Variants in PLEKHA2 observed in about 807,000 individuals in gnomAD.
The protein encoded by PLEKHA2 is pleckstrin homology domain-containing family A member 2.
Under a neutral mutation model 53.2 loss-of-function variants are expected in PLEKHA2, and 28 were observed. The ratio of observed to expected loss-of-function variants is 0.53; its 90% CI spans 0.39 to 0.72. The LOEUF (loss-of-function observed/expected upper bound fraction) is 0.72, where lower values mean the gene tolerates loss of function less well. PLEKHA2 is among the 30% of genes least tolerant of loss of function. The pLI is 0.00. For missense variants in PLEKHA2, 426 were observed against 537.9 expected (o/e 0.79, Z 2.06); for synonymous variants, 193 against 196.4 (o/e 0.98, Z 0.14).
rs150722357 is a variant in PLEKHA2 at position 38,969,941 on chromosome 8, CTGTGTGTGTGTGTGTG to C, written c.*180_*195del. The C allele has an allele frequency of 5.7e-6, 4 of 696,658 alleles. No homozygotes were observed. The highest frequency in any genetic ancestry group is 9.1e-6 in the Non-Finnish European group (4 of 440,210). The allele number at this position is 696,658 out of a possible 1,614,324, so 43.2% of individuals were successfully genotyped here. A position where few individuals can be genotyped will look rare whatever the true frequency, so the allele number is the denominator to read the frequency against. Reference sequence around the variant, plus strand: ...GGAGGGAGGGGCCCATCCAGCTGGGCTGTGTGTGTGTGTGTGTGTGTGTGTGTGTGTGTGTGTAATA... The same window carrying C: ...GGAGGGAGGGGCCCATCCAGCTGGGCTGTGTGTGTGTGTGTGTGTGTAATA... On this transcript the variant is annotated 3_prime_UTR_variant, in exon 12 of 12. Coordinates refer to ENST00000617275, the MANE Select transcript of PLEKHA2 (RefSeq NM_021623.2).
chr8:38,950,769 C>A, intron 5 of PLEKHA2, 81 bp from the exon 6 acceptor site: 1 of 1,518,922 alleles, frequency 6.6e-7, no homozygotes, highest in South Asian at 1.3e-5. Flanking sequence ...GCTTTTCTCA[C>A]GGCAGCCCCA....
In PLEKHA2 at chr8:38,969,691, C is replaced by T. The variant is rs1427807788; in HGVS notation, c.1186C>T (p.Arg396Trp). ...GSAPGVLPSSRIRHRSEPQHP... is the reference protein window; with the variant it reads ...GSAPGVLPSSWIRHRSEPQHP... ...CGCTCCTGGGGTGCTGCCCAGCTCC[C>T]GGATAAGGCACAGATCGGAGCCCCA... Residue 396 changes from arginine to tryptophan, a missense_variant, in exon 12 of 12, where the codon CGG (arginine) becomes TGG (tryptophan). Coordinates refer to ENST00000617275, the MANE Select transcript of PLEKHA2 (RefSeq NM_021623.2). 10 of 1,574,874 alleles carry T rather than the reference C, an allele frequency of 6.3e-6. No individual in the cohort carries two copies. Among genetic ancestry groups the T allele is most frequent in the East Asian group, 2.3e-5 (1 of 42,598 alleles).
chr8:38,946,003 G>C (rs573764589), intron 4 of PLEKHA2, 121 bp from the exon 5 acceptor site: 1 of 737,990 alleles, frequency 1.4e-6, no homozygotes, highest in African/African-American at 1.8e-5. Flanking sequence ...GAGATTTCTT[G>C]TTCTGCTTTG....
At chr8:38,911,154 C>T (rs1833947725) in intron 1 of PLEKHA2, among the ~76,000 whole-genome samples, 1 of 152,094 alleles carries the variant, frequency 6.6e-6, no homozygotes, top group Non-Finnish European at 1.5e-5. Flanking sequence ...AAGCTACTTG[C>T]CAGATAGTTT....
chr8:38,968,682 C>T lies in PLEKHA2; in HGVS notation c.915+13C>T. 1.2e-6 allele frequency: 2 copies of T among 1,613,568 alleles called. No individual in the cohort carries two copies. Among genetic ancestry groups the T allele is most frequent in the Non-Finnish European group, 1.7e-6 (2 of 1,179,548 alleles). ...GTGCCACCCCAGAGTAAGTCACTTCCTTTCTGTTGCACAGTGTCAACTCAG... is the reference window on the plus strand; with the variant it reads ...GTGCCACCCCAGAGTAAGTCACTTCTTTTCTGTTGCACAGTGTCAACTCAG... On this transcript the variant is annotated intron_variant, in intron 11 of 11. Transcript: ENST00000617275.
chr8:38,910,828 A>G (rs1401042157), intron 1 of PLEKHA2, among the ~76,000 whole-genome samples: 1 of 152,248 alleles, frequency 6.6e-6, no homozygotes, highest in East Asian at 1.9e-4. Context: ...AAACCAGTCC[A>G]TTAATGTTAT....
rs569997545 is a variant in PLEKHA2, at chr8:38,917,945, C to A, written c.16C>A (p.Arg6=). The A allele has an allele frequency of 1.2e-6, 2 of 1,613,578 alleles. No individual in the cohort carries two copies. Among genetic ancestry groups the A allele is most frequent in the Admixed American group, 1.7e-5 (1 of 59,986 alleles). The part of the protein sequence containing the change: MPYVD[R]QNRICGFLDI... ...GAGCCCAGGAATGCCTTATGTGGAT[C>A]GGCAGAACCGAATCTGTGGGTTTCT... Residue 6 remains arginine, a synonymous_variant, in exon 2 of 12, where the codon CGG becomes AGG. Coordinates refer to ENST00000617275, the MANE Select transcript of PLEKHA2 (RefSeq NM_021623.2).
At chr8:38,964,852 CTTTTTTTTTTTTTTTTTT>C (rs56714628) in intron 10 of PLEKHA2, among the ~76,000 whole-genome samples, 19 of 54,968 alleles carry the variant, frequency 3.5e-4, no homozygotes, top group African/African-American at 1.2e-3. Context: ...TGTTACTTCC[CTTTTTTTTTTTTTTTTTT>C]TTTTTTTTTT....
Position 38,953,244 on chromosome 8 carries a change from C to G in PLEKHA2, c.703-53C>G, listed in dbSNP as rs531422436. On this transcript the variant is annotated intron_variant, in intron 8 of 11. Transcript: ENST00000617275. ...GGGGTATTGGTCAGCTGGTCTGGGT[C>G]GTGATATGACACAGACAGCCTCACT... The G allele has an allele frequency of 7.0e-6, 10 of 1,435,248 alleles. No homozygotes were observed. In the East Asian group the frequency reaches 9.1e-5, roughly 13 times the overall value. 88.9% of individuals were successfully genotyped at this position (1,435,248 alleles called of 1,614,324 possible).
At position 38,969,630 on chromosome 8, in the gene PLEKHA2, G is replaced by A; in HGVS notation, c.1125G>A (p.Glu375=). Reference sequence around the variant, plus strand: ...TGCTTCCACCTGGAGACACTTCAGAGGACTCCTTGTTCACGCCTCGTCCTG... The same window carrying A: ...TGCTTCCACCTGGAGACACTTCAGAAGACTCCTTGTTCACGCCTCGTCCTG... ...EKLLPPGDTS[E]DSLFTPRPGE... Residue 375 remains glutamate, a synonymous_variant, in exon 12 of 12, where the codon GAG becomes GAA. Transcript: ENST00000617275. 6.2e-7 allele frequency: 1 copy of A among 1,604,116 alleles called. No individual in the cohort carries two copies. The highest frequency in any genetic ancestry group is 8.5e-7 in the Non-Finnish European group (1 of 1,175,486).
At chr8:38,914,742 A>G (rs1198377395) in intron 1 of PLEKHA2, among the ~76,000 whole-genome samples, 1 of 152,134 alleles carries the variant, frequency 6.6e-6, no homozygotes, top group East Asian at 1.9e-4. Context: ...GAAAGGGGCC[A>G]ATCTTCGTTG....
chr8:38,934,643 G>T (rs116445690), intron 2 of PLEKHA2, among the ~76,000 whole-genome samples: 1 of 152,248 alleles, frequency 6.6e-6, no homozygotes, highest in African/African-American at 2.4e-5. Flanking sequence ...CTTCATCCCT[G>T]CCAGTGGGGA....
chr8:38,944,117 A>G (rs1232578709), intron 4 of PLEKHA2, among the ~76,000 whole-genome samples: 6 of 151,904 alleles, frequency 3.9e-5, no homozygotes, highest in Non-Finnish European at 2.9e-5. Flanking sequence ...AATAATAATT[A>G]TATATATTCA....
chr8:38,962,726 T>C (rs1835061414), intron 10 of PLEKHA2, among the ~76,000 whole-genome samples: 1 of 152,220 alleles, frequency 6.6e-6, no homozygotes, highest in African/African-American at 2.4e-5. Context: ...ATGAGAAATG[T>C]GGTGCAAACT....
At chr8:38,921,123 G>C (rs373070837) in intron 2 of PLEKHA2, among the ~76,000 whole-genome samples, 10 of 152,332 alleles carry the variant, frequency 6.6e-5, no homozygotes, top group Admixed American at 2.0e-4. Flanking sequence ...TTCAAGCGAT[G>C]CTTCTGCTTT....
At chr8:38,933,665 A>AT (rs2129418596) in intron 2 of PLEKHA2, among the ~76,000 whole-genome samples, 1 of 151,520 alleles carries the variant, frequency 6.6e-6, no homozygotes, top group East Asian at 1.9e-4. Flanking sequence ...AGCGGTTCTC[A>AT]TTCCCTTCTA....
At chr8:38,918,401 T>TAA (rs1358901198) in intron 2 of PLEKHA2, among the ~76,000 whole-genome samples, 1 of 132,482 alleles carries the variant, frequency 7.5e-6, no homozygotes, top group East Asian at 2.4e-4. Context: ...CCCATACACA[T>TAA]ACCACAGACA....
intron 2 of PLEKHA2, 58 bp downstream of exon 2, chr8:38,918,128 A>G: frequency 6.4e-7 from 1 of 1,572,822 alleles, no homozygotes; most frequent in Non-Finnish European, 8.6e-7. Context: ...GCGCCAGAGG[A>G]ATGCACACAG....
Position 38,965,763 on chromosome 8 carries a change from G to A in PLEKHA2, c.838-2829G>A, listed in dbSNP as rs186809217. ...AATGCGCTTATCTGTAAATGGTGGC[G>A]TTTAAGGCTTCATTTTTTTGTCGCA... On this transcript the variant is annotated intron_variant, in intron 10 of 11. Transcript: ENST00000617275. Among the ~76,000 whole-genome samples the A allele has an allele frequency of 6.2e-4, 95 of 152,244 alleles. 2 individuals carry two copies. In the East Asian group the frequency reaches 0.01, roughly 17 times the overall value.
Sources: gnomAD v4.1 joint callset for allele counts (sites outside exome capture counted in the v4.1 genomes callset) on GRCh38, gnomAD v4.1.1 for gene constraint, MANE v1.5 for transcripts, NCBI Gene and HGNC (gene_info 2026-07-23, HGNC 2026-07-21) for gene names.